Variants in BRWD3 observed in about 807,000 individuals in gnomAD.
The protein encoded by BRWD3 is bromodomain and WD repeat-containing protein 3.
Under a neutral mutation model 149.7 loss-of-function variants are expected in BRWD3, and 10 were observed. That is an observed-to-expected ratio of 0.07 (90% CI 0.04 to 0.11). The LOEUF is 0.11. Ranked by LOEUF, BRWD3 falls within the 10% of genes least tolerant of loss-of-function variation. The pLI is 1.00. For missense variants in BRWD3, 940 were observed against 1,373.2 expected, an observed-to-expected ratio of 0.68 and a Z score of 4.99; for synonymous variants, 504 against 456.7, an observed-to-expected ratio of 1.10 and a Z score of -1.32.
intron 27 of BRWD3, among the ~76,000 whole-genome samples, chrX:80,693,420 T>A (rs1403646031): frequency 1.8e-5 from 2 of 112,284 alleles, no homozygotes; most frequent in African/African-American, 3.2e-5. Context: ...AATCTCTTCA[T>A]ACTAGTATTT....
chrX:80,790,103 T>C (rs1413310829), intron 6 of BRWD3, among the ~76,000 whole-genome samples: 1 of 103,727 alleles, frequency 9.6e-6, no homozygotes, highest in South Asian at 4.3e-4. Context: ...AAGAATCGCT[T>C]GAACGAGGGA....
chrX:80,771,995 T>A (rs932734884), intron 6 of BRWD3, among the ~76,000 whole-genome samples: 3 of 111,333 alleles, frequency 2.7e-5, no homozygotes, highest in Non-Finnish European at 5.7e-5. Context: ...TGTGGAAAAA[T>A]AGGAACGCTT....
rs759415396 is a variant in BRWD3 at position 80,717,585 on chromosome X, T to C, written c.2219A>G (p.Asn740Ser). 1.2e-5 allele frequency: 15 copies of C among 1,210,918 alleles called. No individual in the cohort carries two copies. The highest frequency in any genetic ancestry group is 1.5e-5 in the Non-Finnish European group (13 of 894,555). ...CTTATTGACTCACCTACTAACCCCA[T>C]TATTTAGTTCATTGACCACCACTCT... ...SRRVVVNELNNGVSRVQEECR... is the reference protein window; with the variant it reads ...SRRVVVNELNSGVSRVQEECR... The change falls in exon 19 of 41, where the codon AAT becomes AGT. Residue 740 changes from asparagine to serine, a missense_variant. Transcript: ENST00000373275.
At chrX:80,704,505 A>G (rs1422667213) in intron 23 of BRWD3, among the ~76,000 whole-genome samples, 173 bp downstream of exon 23, 1 of 112,437 alleles carries the variant, frequency 8.9e-6, no homozygotes, top group Non-Finnish European at 1.9e-5. Context: ...TCTACCTTTG[A>G]TAACAGAAAA....
chrX:80,720,275 C>T (rs1354193236), intron 17 of BRWD3, among the ~76,000 whole-genome samples: 1 of 111,327 alleles, frequency 9.0e-6, no homozygotes, highest in Non-Finnish European at 1.9e-5. Flanking sequence ...GCATTGTTAA[C>T]CTAAGAGATA....
In BRWD3 at chrX:80,671,758, G is replaced by T. The variant is rs1466780106; in HGVS notation, c.*4851C>A. ...CCATATACAATATCATATCAACTATGAACTGATTTTCCATCTTAAAATGTA... is the reference window on the plus strand; with the variant it reads ...CCATATACAATATCATATCAACTATTAACTGATTTTCCATCTTAAAATGTA... On this transcript the variant is annotated 3_prime_UTR_variant, in exon 41 of 41. Coordinates refer to ENST00000373275, the MANE Select transcript of BRWD3 (RefSeq NM_153252.5). 1 of 111,269 alleles carries T rather than the reference G, an allele frequency of 9.0e-6. No homozygotes were observed. The highest frequency in any genetic ancestry group is 2.8e-4 in the East Asian group (1 of 3,545). 9.2% of individuals were successfully genotyped at this position (111,269 alleles called of 1,213,427 possible). A position where few individuals can be genotyped will look rare whatever the true frequency, so the allele number is the denominator to read the frequency against.
At chrX:80,679,527 C>T (rs768808393) in intron 40 of BRWD3, among the ~76,000 whole-genome samples, 1 of 111,915 alleles carries the variant, frequency 8.9e-6, no homozygotes, top group African/African-American at 3.2e-5. Flanking sequence ...AGAGTCATCA[C>T]ATCAAGATGA....
At chrX:80,793,581 C>T in intron 5 of BRWD3, 41 bp downstream of exon 5, 1 of 1,182,997 alleles carries the variant, frequency 8.5e-7, no homozygotes, top group Non-Finnish European at 1.1e-6. Flanking sequence ...ACTCTCCACT[C>T]CTTCCTCTGA....
intron 24 of BRWD3, among the ~76,000 whole-genome samples, chrX:80,702,809 A>G (rs1225738145): frequency 8.9e-6 from 1 of 111,911 alleles, no homozygotes; most frequent in African/African-American, 3.2e-5. Flanking sequence ...TGCAATGACA[A>G]TATTACATTT....
At chrX:80,704,909 T>G (rs1430464750) in intron 22 of BRWD3, 63 bp from the exon 23 acceptor site, 12 of 1,035,654 alleles carry the variant, frequency 1.2e-5, no homozygotes, top group Non-Finnish European at 1.6e-5. Context: ...ACTTAATAAT[T>G]GAAAGATCAT....
chrX:80,741,428 A>AATG (rs1241529449), intron 8 of BRWD3, among the ~76,000 whole-genome samples: 1 of 111,804 alleles, frequency 8.9e-6, no homozygotes, highest in East Asian at 2.8e-4. Context: ...TATACCCAGT[A>AATG]ATGGGATGGC....
chrX:80,770,426 A>T (rs79515307), intron 6 of BRWD3, among the ~76,000 whole-genome samples: 1 of 111,858 alleles, frequency 8.9e-6, no homozygotes, highest in Non-Finnish European at 1.9e-5. Flanking sequence ...CTTTATCCCT[A>T]GGACGCAAGG....
chrX:80,737,828 G>A (rs2073425772), intron 8 of BRWD3, among the ~76,000 whole-genome samples: 1 of 112,502 alleles, frequency 8.9e-6, no homozygotes, highest in Admixed American at 9.4e-5. Flanking sequence ...CAGCAAGACT[G>A]TCTCAACAAC....
At chrX:80,765,693 T>C (rs1270627379) in intron 6 of BRWD3, among the ~76,000 whole-genome samples, 2 of 111,850 alleles carry the variant, frequency 1.8e-5, no homozygotes, top group Non-Finnish European at 3.8e-5. Context: ...TTATATTTAA[T>C]GTTAACTAAA....
intron 14 of BRWD3, among the ~76,000 whole-genome samples, chrX:80,725,751 C>T (rs1220084019): frequency 9.3e-6 from 1 of 107,924 alleles, no homozygotes; most frequent in African/African-American, 3.3e-5. Context: ...GCCTATATAA[C>T]ATATAACATG....
intron 6 of BRWD3, among the ~76,000 whole-genome samples, chrX:80,774,962 T>G (rs1486464358): frequency 8.9e-6 from 1 of 112,214 alleles, no homozygotes; most frequent in African/African-American, 3.2e-5. Context: ...TCTCATCATA[T>G]GATTTTCCTA....
chrX:80,805,823 T>C (rs2074343646), intron 4 of BRWD3, among the ~76,000 whole-genome samples: 1 of 110,891 alleles, frequency 9.0e-6, no homozygotes, highest in Non-Finnish European at 1.9e-5. Context: ...TAGTCCCAGC[T>C]ACTTGGGAGG....
intron 40 of BRWD3, among the ~76,000 whole-genome samples, chrX:80,678,631 G>A (rs775537057): frequency 9.0e-6 from 1 of 111,533 alleles, no homozygotes; most frequent in South Asian, 3.8e-4. Flanking sequence ...GAGAGACAAC[G>A]TGGCTGAAGA....
chrX:80,728,310 CAAT>C (rs1008233739), intron 14 of BRWD3, among the ~76,000 whole-genome samples: 2 of 111,623 alleles, frequency 1.8e-5, no homozygotes, highest in Non-Finnish European at 3.8e-5. Flanking sequence ...CAGCCTCTTA[CAAT>C]GACAAATACA....
Sources: allele counts gnomAD v4.1 joint callset (sites outside exome capture counted in the v4.1 genomes callset), GRCh38; gene constraint gnomAD v4.1.1; transcripts MANE v1.5; gene names NCBI Gene and HGNC (gene_info 2026-07-23, HGNC 2026-07-21).